Variants in KMT5B observed in about 807,000 individuals in gnomAD.
KMT5B encodes histone-lysine N-methyltransferase KMT5B.
In KMT5B, 10 loss-of-function variants were observed where a neutral mutation model predicts 83.2. The observed-to-expected ratio is 0.12, with a 90% CI of 0.07 to 0.20. The LOEUF is 0.20. KMT5B is among the 10% of genes least tolerant of loss of function. The probability of loss-of-function intolerance (pLI) is 1.00; values close to 1 mark genes in which losing one functional copy is unlikely to be tolerated. For missense variants in KMT5B, 753 were observed against 1,067.2 expected (o/e 0.71, Z 4.10); for synonymous variants, 349 against 388.8 (o/e 0.90, Z 1.20).
rs1297088963 is a variant in KMT5B at position 68,155,488 on chromosome 11, T to C, written c.*2200A>G. 6.6e-6 allele frequency: 1 copy of C among 152,190 alleles called. No individual in the cohort carries two copies. Among genetic ancestry groups the C allele is most frequent in the East Asian group, 1.9e-4 (1 of 5,200 alleles). 9.4% of individuals were successfully genotyped at this position (152,190 alleles called of 1,614,324 possible). A position where few individuals can be genotyped will look rare whatever the true frequency, so the allele number is the denominator to read the frequency against. ...TCAGCTGAAAAATGAAAATGGGAAA[T>C]GTGTTTTGTCACTTTTTAAGATCGA... On this transcript the variant is annotated 3_prime_UTR_variant, in exon 11 of 11. Coordinates refer to ENST00000304363, the MANE Select transcript of KMT5B (RefSeq NM_017635.5).
intron 6 of KMT5B, among the ~76,000 whole-genome samples, chr11:68,172,070 A>C (rs1369391430): frequency 1.3e-5 from 2 of 152,166 alleles, no homozygotes. Context: ...GCAGGCAGGG[A>C]CCAGTGGCAG....
In KMT5B at chr11:68,201,918, CAAAAAAA is replaced by C. The variant is rs779662280; in HGVS notation, c.-77+11213_-77+11219del. 2.4e-3 allele frequency among the ~76,000 whole-genome samples: 195 copies of C among 82,934 alleles called. 1 individual carries two copies. Among genetic ancestry groups the C allele is most frequent in the African/African-American group, 8.3e-3 (184 of 22,038 alleles). The allele number at this position is 82,934 out of a possible 152,430, so 54.4% of individuals were successfully genotyped here. A position where few individuals can be genotyped will look rare whatever the true frequency, so the allele number is the denominator to read the frequency against. On this transcript the variant is annotated intron_variant, in intron 1 of 10. Coordinates refer to ENST00000304363, the MANE Select transcript of KMT5B (RefSeq NM_017635.5). ...AACATGGTCAGACCCCAGTCTCTAC[CAAAAAAA>C]AAAAAAAAAAAAAATTAGTCGGGTG...
chr11:68,195,783 A>C (rs186269693), intron 1 of KMT5B, among the ~76,000 whole-genome samples: 1 of 152,216 alleles, frequency 6.6e-6, no homozygotes, highest in Non-Finnish European at 1.5e-5. Context: ...ACAGAGCAGA[A>C]TATTTCACAA....
At chr11:68,182,208 C>T (rs576574402) in intron 3 of KMT5B, among the ~76,000 whole-genome samples, 37 of 152,232 alleles carry the variant, frequency 2.4e-4, no homozygotes, top group African/African-American at 7.7e-4. Flanking sequence ...CATAGTTTTA[C>T]GTGAGCCCTA....
intron 1 of KMT5B, among the ~76,000 whole-genome samples, chr11:68,202,362 T>C (rs1358623735): frequency 6.6e-6 from 1 of 152,146 alleles, no homozygotes; most frequent in Admixed American, 6.5e-5. Flanking sequence ...CACAGGGCCT[T>C]TGCACTTGGG....
chr11:68,202,429 T>C (rs529592266), intron 1 of KMT5B, among the ~76,000 whole-genome samples: 50 of 152,284 alleles, frequency 3.3e-4, no homozygotes, highest in South Asian at 6.2e-4. Context: ...GCTATATAGA[T>C]TTCCTTGTTA....
At chr11:68,205,796 AT>A (rs1860026685) in intron 1 of KMT5B, among the ~76,000 whole-genome samples, 1 of 152,022 alleles carries the variant, frequency 6.6e-6, no homozygotes, top group Non-Finnish European at 1.5e-5. Context: ...AACTTTTTGT[AT>A]TTTTAGTACA....
intron 1 of KMT5B, among the ~76,000 whole-genome samples, chr11:68,198,618 T>C (rs1306949250): frequency 6.6e-6 from 1 of 152,104 alleles, no homozygotes; most frequent in East Asian, 1.9e-4. Context: ...GTCCCCATGG[T>C]CACGGTTTGG....
chr11:68,195,053 C>A (rs1023804820), intron 1 of KMT5B, among the ~76,000 whole-genome samples: 1 of 152,036 alleles, frequency 6.6e-6, no homozygotes, highest in Non-Finnish European at 1.5e-5. Flanking sequence ...TGGTGGTATG[C>A]ACCTGTAGTT....
intron 10 of KMT5B, among the ~76,000 whole-genome samples, chr11:68,164,262 T>G (rs1565218900): frequency 6.6e-6 from 1 of 152,228 alleles, no homozygotes; most frequent in Non-Finnish European, 1.5e-5. Flanking sequence ...GAACATTTTT[T>G]TATACATGTG....
chr11:68,201,961 T>C (rs1014353983), intron 1 of KMT5B, among the ~76,000 whole-genome samples: 1 of 147,182 alleles, frequency 6.8e-6, no homozygotes, highest in African/African-American at 2.5e-5. Context: ...TGGTGGTGCG[T>C]GCTTGTAGTC....
intron 1 of KMT5B, among the ~76,000 whole-genome samples, chr11:68,192,624 T>C (rs986506928): frequency 1.7e-4 from 26 of 152,312 alleles, no homozygotes; most frequent in African/African-American, 6.0e-4. Context: ...ATCTCTTTGT[T>C]CCAAGGCAAG....
chr11:68,178,704 T>C (rs1220325146), intron 4 of KMT5B, among the ~76,000 whole-genome samples: 1 of 152,206 alleles, frequency 6.6e-6, no homozygotes, highest in Non-Finnish European at 1.5e-5. Flanking sequence ...AGCTGGCTGA[T>C]AGTCCAAATC....
chr11:68,179,422 T>C, intron 4 of KMT5B: 8 of 1,290,278 alleles, frequency 6.2e-6, no homozygotes, highest in Non-Finnish European at 7.2e-6. Context: ...CAATTGATTA[T>C]TATTAAAGGG....
intron 1 of KMT5B, among the ~76,000 whole-genome samples, chr11:68,210,916 G>A (rs573812830): frequency 6.6e-6 from 1 of 152,116 alleles, no homozygotes; most frequent in Non-Finnish European, 1.5e-5. Flanking sequence ...CTCATACATG[G>A]TACACAGAAA....
intron 3 of KMT5B, among the ~76,000 whole-genome samples, chr11:68,180,966 TCTTG>T (rs1856859907): frequency 6.6e-6 from 1 of 152,184 alleles, no homozygotes; most frequent in Non-Finnish European, 1.5e-5. Context: ...ATGCTACAAC[TCTTG>T]CTTGTTAGTA....
intron 10 of KMT5B, chr11:68,164,678 G>A (rs201708096): frequency 1.8e-5 from 9 of 514,074 alleles, no homozygotes; most frequent in African/African-American, 9.6e-5. Flanking sequence ...CTCCAATCAT[G>A]CTGCAGAAAG....
intron 1 of KMT5B, among the ~76,000 whole-genome samples, chr11:68,205,623 CTT>C (rs61314677): frequency 2.1e-5 from 3 of 140,536 alleles, no homozygotes; most frequent in Non-Finnish European, 4.7e-5. Context: ...ATTCGCAATT[CTT>C]TTTTTTTTTT....
At chr11:68,164,494 A>C (rs910904335) in intron 10 of KMT5B, among the ~76,000 whole-genome samples, 4 of 152,220 alleles carry the variant, frequency 2.6e-5, no homozygotes, top group African/African-American at 9.6e-5. Context: ...CACCAAAAGA[A>C]ATACAGCCTA....
Sources: allele counts gnomAD v4.1 joint callset (sites outside exome capture counted in the v4.1 genomes callset), GRCh38; gene constraint gnomAD v4.1.1; transcripts MANE v1.5; gene names NCBI Gene and HGNC (gene_info 2026-07-23, HGNC 2026-07-21).